Variants in CCDC187 observed in about 807,000 individuals in gnomAD.
The protein encoded by CCDC187 is coiled-coil domain containing 187.
Under a neutral mutation model 38.0 loss-of-function variants are expected in CCDC187, and 32 were observed. The observed-to-expected ratio is 0.84, with a 90% CI of 0.64 to 1.13. CCDC187 has a LOEUF of 1.13. Among genes scored for constraint, CCDC187 ranks in the 50% most tolerant of loss-of-function variants. CCDC187 has a pLI of 0.00. For missense variants in CCDC187, 707 were observed against 786.8 expected (o/e 0.90, Z 1.21); for synonymous variants, 333 against 347.9 (o/e 0.96, Z 0.48).
rs1831736852 is a variant in CCDC187 at position 136,303,346 on chromosome 9, AGCAGAGCC to A, written c.144-61_144-54del. On this transcript the variant is annotated intron_variant, in intron 1 of 25. Transcript: ENST00000638797. ...CAGACATGCAGGCGCAGAGGTGCCG[AGCAGAGCC>A]GCTCAGACTGGCCCCACCTCCCCGG... is the stretch of plus-strand genomic sequence containing the variant. 2.0e-5 allele frequency: 8 copies of A among 395,144 alleles called. No individual in the cohort carries two copies. The East Asian group carries it at 2.9e-4, about 14-fold the overall frequency. 24.5% of individuals were successfully genotyped at this position (395,144 alleles called of 1,614,324 possible). A position where few individuals can be genotyped will look rare whatever the true frequency, so the allele number is the denominator to read the frequency against.
intron 9 of CCDC187, 143 bp from the exon 10 acceptor site, chr9:136,281,806 C>T: frequency 7.5e-6 from 3 of 397,374 alleles, no homozygotes. Flanking sequence ...ACAGTGTGCC[C>T]AGGGTGGGAC....
At position 136,251,298 on chromosome 9, in the gene CCDC187, G is replaced by T. The variant is rs537376333; in HGVS notation, c.*2296C>A. 9.9e-5 allele frequency: 33 copies of T among 333,862 alleles called. No homozygotes were observed. Among genetic ancestry groups the T allele is most frequent in the South Asian group, 7.4e-4 (32 of 43,448 alleles). The allele number at this position is 333,862 out of a possible 1,614,324, so 20.7% of individuals were successfully genotyped here. A position where few individuals can be genotyped will look rare whatever the true frequency, so the allele number is the denominator to read the frequency against. Reference sequence around the variant, plus strand: ...AGAAATCAGCTGCCCTGGCCTTCCAGGCACAGCAAGTCCTGAGCATGCTCC... The same window carrying T: ...AGAAATCAGCTGCCCTGGCCTTCCATGCACAGCAAGTCCTGAGCATGCTCC... On this transcript the variant is annotated 3_prime_UTR_variant, in exon 26 of 26. Transcript: ENST00000638797.
chr9:136,302,987 C>T lies in CCDC187; in HGVS notation c.450G>A (p.Ala150=), dbSNP rs941660050. The change falls in exon 2 of 26, where the codon GCG becomes GCA. Residue 150 remains alanine (A), a synonymous_variant. Coordinates refer to ENST00000638797, the MANE Select transcript of CCDC187 (RefSeq NM_001378188.1). ...TCTTGTCTCTCAGCTGCTCCAGCCGCGCGTCACTCTTTCTGGGCCTCTGCT... is the reference window on the plus strand; with the variant it reads ...TCTTGTCTCTCAGCTGCTCCAGCCGTGCGTCACTCTTTCTGGGCCTCTGCT... ...GPQQRPRKSD[A]RLEQLRDKIR... 10 of 398,642 alleles carry T rather than the reference C, an allele frequency of 2.5e-5. No individual in the cohort carries two copies. The highest frequency in any genetic ancestry group is 8.2e-5 in the African/African-American group (4 of 48,628). The allele number at this position is 398,642 out of a possible 1,614,324, so 24.7% of individuals were successfully genotyped here. A position where few individuals can be genotyped will look rare whatever the true frequency, so the allele number is the denominator to read the frequency against.
At chr9:136,267,655 G>A (rs1002272360) in intron 15 of CCDC187, 144 bp from the exon 16 acceptor site, 2 of 975,226 alleles carry the variant, frequency 2.1e-6, no homozygotes, top group Non-Finnish European at 2.4e-6. Flanking sequence ...AAGCCCTCTC[G>A]GACTGCCCGC....
intron 7 of CCDC187, among the ~76,000 whole-genome samples, chr9:136,288,253 C>T (rs1831228185): frequency 6.6e-6 from 1 of 152,126 alleles, no homozygotes; most frequent in Non-Finnish European, 1.5e-5. Context: ...CCTGGGCTGC[C>T]CTGTGACCCA....
At position 136,255,197 on chromosome 9, in the gene CCDC187, G is replaced by A. The variant is rs180709280; in HGVS notation, c.4694-63C>T. Reference sequence around the variant, plus strand: ...ACCCTGGACCCCATGCATATCCCACGACCCCCAAAGCCAGGAGGTCAGAAC... The same window carrying A: ...ACCCTGGACCCCATGCATATCCCACAACCCCCAAAGCCAGGAGGTCAGAAC... On this transcript the variant is annotated intron_variant, in intron 25 of 25. Transcript: ENST00000638797. 8 of 843,668 alleles carry A rather than the reference G, an allele frequency of 9.5e-6. No homozygotes were observed. In the South Asian group the frequency reaches 2.7e-4, roughly 28 times the overall value. The allele number at this position is 843,668 out of a possible 1,614,324, so 52.3% of individuals were successfully genotyped here.
rs1010312398 is a variant in CCDC187, at chr9:136,259,394, G to A, written c.4265C>T (p.Pro1422Leu). The change falls in exon 21 of 26, where the codon CCG becomes CTG. Residue 1422 changes from proline to leucine, a missense_variant. By Grantham distance (98) the Pro-to-Leu change is moderately conservative. Transcript: ENST00000638797. ...GGCTGGGCCCAGCCGCTGTCCGTCC[G>A]GGGGGCTCACGTGCTGCAGGCCCAG... is the stretch of plus-strand genomic sequence containing the variant. ...PLLGLQHVSP[P>L]DGQRLGPAFP... 6 of 985,162 alleles carry A rather than the reference G, an allele frequency of 6.1e-6. No homozygotes were observed. The highest frequency in any genetic ancestry group is 6.2e-5 in the Admixed American group (1 of 16,252). The allele number at this position is 985,162 out of a possible 1,614,324, so 61.0% of individuals were successfully genotyped here.
upstream of CCDC187, among the ~76,000 whole-genome samples, chr9:136,306,659 G>A (rs970793884): frequency 2.0e-5 from 3 of 152,160 alleles, no homozygotes; most frequent in Non-Finnish European, 2.9e-5. Flanking sequence ...TCAGAAGGCC[G>A]GGCGTGCCAA....
At chr9:136,292,517 TTCCCTGACCCTCAGAGTCCTCCTCC>T (rs1470173350) in intron 4 of CCDC187, among the ~76,000 whole-genome samples, 2 of 152,164 alleles carry the variant, frequency 1.3e-5, no homozygotes, top group Non-Finnish European at 2.9e-5. Flanking sequence ...GGCAGGTGGC[TTCCCTGACCCTCAGAGTCCTCCTCC>T]TCCCTGACCC....
At chr9:136,301,613 G>A (rs1338554979) in intron 2 of CCDC187, among the ~76,000 whole-genome samples, 1 of 137,778 alleles carries the variant, frequency 7.3e-6, no homozygotes, top group East Asian at 2.1e-4. Flanking sequence ...TTGAGACGAA[G>A]TCTCGCTCTG....
intron 4 of CCDC187, 53 bp from the exon 5 acceptor site, chr9:136,292,348 C>G (rs946684831): frequency 7.5e-6 from 3 of 398,460 alleles, no homozygotes; most frequent in African/African-American, 6.2e-5. Flanking sequence ...CCTCTGGGCA[C>G]TGGCCCGGAC....
At chr9:136,275,786 T>C (rs1481751572) in intron 12 of CCDC187, among the ~76,000 whole-genome samples, 1 of 152,038 alleles carries the variant, frequency 6.6e-6, no homozygotes, top group African/African-American at 2.4e-5. Flanking sequence ...CCGGCAGAGG[T>C]GGCTCAGGAG....
At chr9:136,267,949 G>A in intron 15 of CCDC187, 100 bp downstream of exon 15, 2 of 985,480 alleles carry the variant, frequency 2.0e-6, no homozygotes, top group South Asian at 9.4e-5. Context: ...GACCTGCCTT[G>A]GCCCTTCTTA....
chr9:136,299,108 C>T (rs1831607392), intron 3 of CCDC187, among the ~76,000 whole-genome samples: 1 of 152,126 alleles, frequency 6.6e-6, no homozygotes, highest in Non-Finnish European at 1.5e-5. Flanking sequence ...ATTGGGGTCC[C>T]CCTGGAAGGC....
At chr9:136,278,724 G>C (rs1051919017) in intron 10 of CCDC187, among the ~76,000 whole-genome samples, 1 of 152,244 alleles carries the variant, frequency 6.6e-6, no homozygotes, top group Non-Finnish European at 1.5e-5. Flanking sequence ...CTCAGTGGGG[G>C]CTGTGGAGTT....
intron 12 of CCDC187, among the ~76,000 whole-genome samples, chr9:136,275,742 C>A (rs1372409330): frequency 6.6e-6 from 1 of 152,222 alleles, no homozygotes; most frequent in Non-Finnish European, 1.5e-5. Context: ...GTGGGAGCTG[C>A]CTTTCGGAGG....
chr9:136,277,678 G>A (rs1830959630), intron 10 of CCDC187, among the ~76,000 whole-genome samples: 2 of 152,134 alleles, frequency 1.3e-5, no homozygotes, highest in Non-Finnish European at 2.9e-5. Flanking sequence ...TTTCTCCTTG[G>A]TGGCCCCAAG....
chr9:136,270,170 G>T (rs782135188), intron 14 of CCDC187, among the ~76,000 whole-genome samples: 1 of 152,258 alleles, frequency 6.6e-6, no homozygotes, highest in Non-Finnish European at 1.5e-5. Flanking sequence ...TTCTCCCCAT[G>T]TGCGGAGATG....
chr9:136,277,624 T>TC (rs1830958665), intron 10 of CCDC187, among the ~76,000 whole-genome samples: 2 of 152,110 alleles, frequency 1.3e-5, no homozygotes, highest in South Asian at 4.1e-4. Context: ...CTCAGCCTCT[T>TC]CCTTGGATAG....
Sources: allele counts gnomAD v4.1 joint callset (sites outside exome capture counted in the v4.1 genomes callset), GRCh38; gene constraint gnomAD v4.1.1; transcripts MANE v1.5; gene names NCBI Gene and HGNC (gene_info 2026-07-23, HGNC 2026-07-21).